Variants in TFB1M observed in about 807,000 individuals in gnomAD.
TFB1M encodes dimethyladenosine transferase 1, mitochondrial.
A neutral mutation model predicts 31.1 loss-of-function variants in TFB1M; 27 were observed. The ratio of observed to expected loss-of-function variants is 0.87; its 90% CI spans 0.64 to 1.20. TFB1M has a LOEUF of 1.20. TFB1M is among the 50% of genes most tolerant of loss of function. The probability of loss-of-function intolerance (pLI) is 0.00; values close to 1 mark genes in which losing one functional copy is unlikely to be tolerated. For missense variants in TFB1M, 394 were observed against 418.7 expected, an observed-to-expected ratio of 0.94 and a Z score of 0.51; for synonymous variants, 166 against 151.8, an observed-to-expected ratio of 1.09 and a Z score of -0.69.
chr6:155,245,241 A>T, the TFB1M span, among the ~76,000 whole-genome samples: 11 of 152,344 alleles, frequency 7.2e-5, 4 homozygotes, highest in Admixed American at 6.5e-4. Context: ...TGTGGCAGGA[A>T]GCCCCTCCAA....
intron 6 of TFB1M, among the ~76,000 whole-genome samples, chr6:155,259,145 G>A (rs1784272678): frequency 6.6e-6 from 1 of 152,180 alleles, no homozygotes; most frequent in Non-Finnish European, 1.5e-5. Flanking sequence ...CCTCCCCCAT[G>A]AATCAGGGCT....
At chr6:155,258,712 G>A (rs932741045) in intron 6 of TFB1M, among the ~76,000 whole-genome samples, 8 of 152,194 alleles carry the variant, frequency 5.3e-5, no homozygotes, top group South Asian at 4.1e-4. Flanking sequence ...GGCCTGGATT[G>A]CATTTTTCTT....
the TFB1M span, among the ~76,000 whole-genome samples, chr6:155,248,437 G>A: frequency 6.6e-6 from 1 of 152,206 alleles, no homozygotes; most frequent in East Asian, 1.9e-4. Flanking sequence ...TCCTATGCAG[G>A]GATGATTCTG....
chr6:155,297,314 T>G (rs1777222029), intron 3 of TFB1M, among the ~76,000 whole-genome samples: 1 of 152,186 alleles, frequency 6.6e-6, no homozygotes, highest in Admixed American at 6.5e-5. Context: ...TATACTTAAT[T>G]ACTGCTCAGT....
chr6:155,273,200 T>C (rs958043126), intron 5 of TFB1M, among the ~76,000 whole-genome samples: 1 of 152,216 alleles, frequency 6.6e-6, no homozygotes, highest in African/African-American at 2.4e-5. Context: ...TTGTTCTATT[T>C]TGGTCTAAGT....
intron 5 of TFB1M, among the ~76,000 whole-genome samples, chr6:155,274,977 G>A (rs1237435835): frequency 3.9e-5 from 6 of 152,132 alleles, no homozygotes; most frequent in Non-Finnish European, 1.5e-5. Context: ...CCAGCACTTC[G>A]GGAGGCCGAG....
At chr6:155,271,323 T>A (rs1443636769) in intron 5 of TFB1M, among the ~76,000 whole-genome samples, 1 of 152,236 alleles carries the variant, frequency 6.6e-6, no homozygotes, top group Non-Finnish European at 1.5e-5. Context: ...ATTCATGGGC[T>A]ACAACCTCAG....
intron 4 of TFB1M, among the ~76,000 whole-genome samples, chr6:155,288,658 A>T (rs534420340): frequency 1.1e-4 from 17 of 152,372 alleles, no homozygotes; most frequent in African/African-American, 4.1e-4. Flanking sequence ...TGACCCATTC[A>T]ATTCAATCTT....
rs77339159 is a variant in TFB1M, at chr6:155,284,663, G to C, written c.666+495C>G. Among the ~76,000 whole-genome samples the C allele has an allele frequency of 4.6e-5, 7 of 152,104 alleles. No homozygotes were observed. The East Asian group carries it at 1.4e-3, about 29-fold the overall frequency. ...TAACTAGCACTTACTCACATAACTA[G>C]CATATAATATCAAAGCCTAGTTTAA... On this transcript the variant is annotated intron_variant, in intron 5 of 6. Coordinates refer to ENST00000367166, the MANE Select transcript of TFB1M (RefSeq NM_016020.4).
At chr6:155,245,719 G>T in the TFB1M span, 1 of 1,593,412 alleles carries the variant, frequency 6.3e-7, no homozygotes, top group Non-Finnish European at 8.5e-7. Flanking sequence ...AGTACAGAAG[G>T]TTCTGGAGCG....
At chr6:155,301,866 G>A (rs141170747) in intron 2 of TFB1M, among the ~76,000 whole-genome samples, 30 of 152,282 alleles carry the variant, frequency 2.0e-4, no homozygotes, top group African/African-American at 6.7e-4. Context: ...AATAGTAGTT[G>A]TACCAAGACT....
chr6:155,250,736 G>A, the TFB1M span: 1 of 1,145,738 alleles, frequency 8.7e-7, no homozygotes, highest in Non-Finnish European at 1.2e-6. Flanking sequence ...ACACTTGGGT[G>A]CTTAACTCAT....
intron 5 of TFB1M, among the ~76,000 whole-genome samples, chr6:155,267,578 T>A (rs1562391272): frequency 6.6e-6 from 1 of 152,172 alleles, no homozygotes; most frequent in Non-Finnish European, 1.5e-5. Flanking sequence ...GTAAAACCAG[T>A]CTTAGAGTCA....
chr6:155,292,366 C>A (rs1332836124), intron 4 of TFB1M, among the ~76,000 whole-genome samples: 1 of 152,124 alleles, frequency 6.6e-6, no homozygotes, highest in Admixed American at 6.5e-5. Flanking sequence ...TCCCAAGGGT[C>A]CCCCAAGTCC....
the TFB1M span, among the ~76,000 whole-genome samples, chr6:155,236,595 A>G: frequency 3.9e-5 from 6 of 152,132 alleles, no homozygotes; most frequent in Non-Finnish European, 7.4e-5. Flanking sequence ...CCCGGGAGGC[A>G]GAGGTTGCAG....
chr6:155,275,692 C>CT (rs751001684), intron 5 of TFB1M: 29 of 1,580,624 alleles, frequency 1.8e-5, no homozygotes, highest in Non-Finnish European at 1.9e-5. Context: ...TCAGGATTTT[C>CT]TAAGAGGACA....
the TFB1M span, chr6:155,251,107 C>T: frequency 8.5e-7 from 1 of 1,171,714 alleles, no homozygotes; most frequent in Non-Finnish European, 1.3e-6. Flanking sequence ...CCAGCTCACT[C>T]CTGAGCTCCA....
downstream of TFB1M, chr6:155,253,008 T>G: frequency 6.2e-7 from 1 of 1,614,212 alleles, no homozygotes; most frequent in Non-Finnish European, 8.5e-7. Flanking sequence ...ATTCCGCTGG[T>G]TGATCCCCAT....
downstream of TFB1M, chr6:155,254,195 T>C: frequency 9.6e-7 from 1 of 1,043,250 alleles, no homozygotes; most frequent in South Asian, 1.7e-5. Context: ...AAAAGGCAAC[T>C]GAGGCCGCTA....
Sources: allele counts gnomAD v4.1 joint callset (sites outside exome capture counted in the v4.1 genomes callset), GRCh38; gene constraint gnomAD v4.1.1; transcripts MANE v1.5; gene names NCBI Gene and HGNC (gene_info 2026-07-23, HGNC 2026-07-21).